The following MAGI2 variants were observed in gnomAD, a reference collection of about 807,000 sequenced individuals.
MAGI2 encodes the protein membrane-associated guanylate kinase, WW and PDZ domain-containing protein 2.
In MAGI2, 35 loss-of-function variants were observed where a neutral mutation model predicts 133.3. The ratio of observed to expected loss-of-function variants is 0.26; its 90% CI spans 0.20 to 0.35. The LOEUF (loss-of-function observed/expected upper bound fraction) is 0.35, where lower values mean the gene tolerates loss of function less well. Ranked by LOEUF, MAGI2 falls within the 10% of genes least tolerant of loss-of-function variation. The pLI is 1.00. For synonymous variants in MAGI2, 729 were observed against 710.6 expected, an observed-to-expected ratio of 1.03 and a Z score of -0.41; for missense variants, 1,636 against 1,863.4, an observed-to-expected ratio of 0.88 and a Z score of 2.25.
chr7:78,874,182 T>G (rs1563609096), intron 2 of MAGI2, among the ~76,000 whole-genome samples: 1 of 152,132 alleles, frequency 6.6e-6, no homozygotes, highest in Admixed American at 6.5e-5. Context: ...TTACAAAATT[T>G]TATGGAGAGA....
intron 9 of MAGI2, among the ~76,000 whole-genome samples, chr7:78,275,495 TGACAGAATTAGC>T (rs1794975916): frequency 1.0e-5 from 1 of 95,890 alleles, no homozygotes; most frequent in Non-Finnish European, 2.0e-5. Flanking sequence ...AATTACTCAG[TGACAGAATTAGC>T]TATATTTGAA....
intron 5 of MAGI2, among the ~76,000 whole-genome samples, chr7:78,491,606 T>C (rs1353077090): frequency 1.3e-5 from 2 of 152,086 alleles, no homozygotes; most frequent in East Asian, 3.9e-4. Flanking sequence ...TTTTCCTCAA[T>C]TTGACCCTTG....
chr7:79,425,763 A>G (rs1847327105), intron 1 of MAGI2, among the ~76,000 whole-genome samples: 2 of 151,900 alleles, frequency 1.3e-5, no homozygotes, highest in African/African-American at 4.8e-5. Flanking sequence ...ACATACAGAC[A>G]AAATAGAGAG....
chr7:78,246,074 C>T (rs1791751219), intron 10 of MAGI2, among the ~76,000 whole-genome samples: 1 of 152,150 alleles, frequency 6.6e-6, no homozygotes, highest in Non-Finnish European at 1.5e-5. Context: ...CTACCCCTCC[C>T]AGTGGTTGCT....
chr7:79,057,705 C>G (rs972650512), intron 1 of MAGI2, among the ~76,000 whole-genome samples: 1 of 152,118 alleles, frequency 6.6e-6, no homozygotes, highest in Non-Finnish European at 1.5e-5. Flanking sequence ...AGTACCTCCT[C>G]TTTATGTTCC....
chr7:78,454,324 A>T (rs1030908781), intron 6 of MAGI2, among the ~76,000 whole-genome samples: 1 of 152,160 alleles, frequency 6.6e-6, no homozygotes, highest in African/African-American at 2.4e-5. Flanking sequence ...GCCATTTCTT[A>T]AGGAGATCCC....
intron 2 of MAGI2, among the ~76,000 whole-genome samples, chr7:78,858,284 C>T (rs1315033609): frequency 1.3e-5 from 2 of 152,048 alleles, no homozygotes; most frequent in African/African-American, 2.4e-5. Context: ...TTATTTCTTG[C>T]CTTCTGCTAG....
Position 78,168,084 on chromosome 7 carries a change from T to C in MAGI2, c.2428A>G (p.Met810Val), listed in dbSNP as rs769060268. The change falls in exon 15 of 22, where the codon ATG becomes GTG. Residue 810 changes from methionine (M) to valine (V), a missense_variant. By Grantham distance (21) the Met-to-Val change is conservative. Transcript: ENST00000354212. ...CGGCCATCTCTGTCGGCTGAGCCCA[T>C]GGCAATGACAGCTCCAATCAAAATC... ...QPILIGAVIA[M>V]GSADRDGRLH... is the part of the protein sequence containing the mutation. 12 of 1,613,582 alleles carry C rather than the reference T, an allele frequency of 7.4e-6. No individual in the cohort carries two copies. In the East Asian group the frequency reaches 2.2e-4, roughly 30 times the overall value.
At chr7:78,561,498 A>G (rs948336120) in intron 3 of MAGI2, among the ~76,000 whole-genome samples, 3 of 152,210 alleles carry the variant, frequency 2.0e-5, no homozygotes, top group African/African-American at 7.2e-5. Flanking sequence ...GAAAACAAGT[A>G]TCATATTAAG....
chr7:79,062,578 T>G (rs1209267598), intron 1 of MAGI2, among the ~76,000 whole-genome samples: 1 of 152,194 alleles, frequency 6.6e-6, no homozygotes, highest in Non-Finnish European at 1.5e-5. Flanking sequence ...TAAAACTTTT[T>G]GTATTTTCTG....
chr7:78,783,367 A>G (rs987753917), intron 2 of MAGI2, among the ~76,000 whole-genome samples: 4 of 152,212 alleles, frequency 2.6e-5, no homozygotes, highest in African/African-American at 9.6e-5. Flanking sequence ...TTTTCCTGAC[A>G]TAAAGCCATG....
At chr7:78,132,841 C>T (rs761125770) in intron 18 of MAGI2, 48 bp downstream of exon 18, 3 of 1,613,672 alleles carry the variant, frequency 1.9e-6, no homozygotes, top group South Asian at 2.2e-5. Context: ...TCCCTCCTTT[C>T]CCCACCCTAT....
At position 78,496,775 on chromosome 7, in the gene MAGI2, A is replaced by C. The variant is rs557297495; in HGVS notation, c.965+4802T>G. On this transcript the variant is annotated intron_variant, in intron 5 of 21. Coordinates refer to ENST00000354212, the MANE Select transcript of MAGI2 (RefSeq NM_012301.4). ...GATGATGTGAAGTAGGCATCACAGC[A>C]AATTGGTTAAGAACAAGGACCATGG... Among the ~76,000 whole-genome samples the C allele has an allele frequency of 5.3e-5, 8 of 152,290 alleles. No homozygotes were observed. The East Asian group carries it at 1.5e-3, about 29-fold the overall frequency.
intron 2 of MAGI2, among the ~76,000 whole-genome samples, chr7:78,647,733 C>G (rs746500875): frequency 2.0e-5 from 3 of 152,126 alleles, no homozygotes; most frequent in Admixed American, 6.5e-5. Flanking sequence ...ATAGCGAAGA[C>G]TTGGAACCAA....
intron 2 of MAGI2, among the ~76,000 whole-genome samples, chr7:78,709,165 C>G (rs563460048): frequency 1.3e-5 from 2 of 152,186 alleles, no homozygotes; most frequent in South Asian, 4.1e-4. Context: ...AAAATAAAAT[C>G]TGACGTCTTA....
intron 3 of MAGI2, among the ~76,000 whole-genome samples, chr7:78,594,167 T>C (rs984218944): frequency 2.0e-5 from 3 of 152,244 alleles, no homozygotes; most frequent in African/African-American, 2.4e-5. Context: ...ATGTTGAAGC[T>C]GCTCTCAGTT....
chr7:79,067,648 A>T (rs976172824), intron 1 of MAGI2, among the ~76,000 whole-genome samples: 2 of 152,198 alleles, frequency 1.3e-5, no homozygotes, highest in Non-Finnish European at 2.9e-5. Context: ...TATGTTGAAC[A>T]TGAGTGGTGA....
At chr7:79,259,543 C>T (rs921498399) in intron 1 of MAGI2, among the ~76,000 whole-genome samples, 6 of 152,030 alleles carry the variant, frequency 3.9e-5, no homozygotes, top group Non-Finnish European at 7.4e-5. Flanking sequence ...AACTTTAGAC[C>T]CCCACTTCAT....
chr7:78,839,765 C>G (rs1791964476), intron 2 of MAGI2, among the ~76,000 whole-genome samples: 1 of 152,026 alleles, frequency 6.6e-6, no homozygotes. Flanking sequence ...CAGAGCCAAA[C>G]CATATCATGT....
Sources: allele counts gnomAD v4.1 joint callset (sites outside exome capture counted in the v4.1 genomes callset), GRCh38; gene constraint gnomAD v4.1.1; transcripts MANE v1.5; gene names NCBI Gene and HGNC (gene_info 2026-07-23, HGNC 2026-07-21).